The following SCN9A variants were observed in gnomAD, a reference collection of about 807,000 sequenced individuals.
SCN9A encodes sodium channel protein type 9 subunit alpha.
In SCN9A, 131 loss-of-function variants were observed where a neutral mutation model predicts 187.0. The observed-to-expected ratio is 0.70, with a 90% CI of 0.61 to 0.81. The LOEUF is 0.81. Among genes scored for constraint, SCN9A ranks in the 30% least tolerant of loss-of-function variants. The pLI, the probability that SCN9A is intolerant of heterozygous loss-of-function variation, is 0.00. For synonymous variants in SCN9A, 809 were observed against 808.6 expected, an observed-to-expected ratio of 1.00 and a Z score of -0.01; for missense variants, 2,252 against 2,396.6, an observed-to-expected ratio of 0.94 and a Z score of 1.26.
In SCN9A at chr2:166,272,782, T is replaced by C. The variant is rs1354458914; in HGVS notation, c.2968A>G (p.Ile990Val). ...EEDPDANNLQ[I>V]AVTRIKKGIN... is the part of the protein sequence containing the mutation. ...CCCTTTTTAATTCTAGTCACTGCAA[T>C]CTGGAGGTTGTTTGCATCAGGGTCT... is the stretch of plus-strand genomic sequence containing the variant. The change falls in exon 17 of 27, where the codon ATT becomes GTT. Residue 990 changes from isoleucine to valine, a missense_variant. Transcript: ENST00000642356. 2.0e-6 allele frequency: 3 copies of C among 1,528,782 alleles called. No individual in the cohort carries two copies. The highest frequency in any genetic ancestry group is 2.6e-6 in the Non-Finnish European group (3 of 1,142,510). 94.7% of individuals were successfully genotyped at this position (1,528,782 alleles called of 1,614,324 possible). A position where few individuals can be genotyped will look rare whatever the true frequency, so the allele number is the denominator to read the frequency against.
At chr2:166,349,053 A>T (rs1051529784) in intron 1 of SCN9A, among the ~76,000 whole-genome samples, 6 of 79,042 alleles carry the variant, frequency 7.6e-5, no homozygotes, top group South Asian at 3.3e-4. Context: ...GCTTGAACCC[A>T]GGAGCGGAGA....
intron 1 of SCN9A, among the ~76,000 whole-genome samples, chr2:166,313,738 T>C (rs952808914): frequency 6.6e-6 from 1 of 152,226 alleles, no homozygotes; most frequent in Non-Finnish European, 1.5e-5. Context: ...TTCAAGAATG[T>C]TTCCTTTGCA....
chr2:166,288,933 T>G (rs1697912855), intron 9 of SCN9A, among the ~76,000 whole-genome samples: 1 of 152,116 alleles, frequency 6.6e-6, no homozygotes, highest in Admixed American at 6.6e-5. Context: ...CTCATAAAAT[T>G]AAATCCTTTG....
rs747241543 is a variant in SCN9A at position 166,294,609 on chromosome 2, T to G, written c.955A>C (p.Thr319Pro). Residue 319 changes from threonine (T) to proline (P), a missense_variant, in exon 8 of 27, where the codon ACA becomes CCA. Thr to Pro is a conservative substitution (Grantham distance 38). Transcript: ENST00000642356. ...ACAAATATTACATACCCTGAATCTG[T>G]GCTGAAACCACAAAGGAGAGCATCT... is the stretch of plus-strand genomic sequence containing the variant. The part of the protein sequence containing the change: ...SKDALLCGFS[T>P]DSGQCPEGYT... The G allele has an allele frequency of 2.5e-6, 4 of 1,610,526 alleles. No individual in the cohort carries two copies. The African/African-American group carries it at 5.3e-5, about 22-fold the overall frequency.
Position 166,351,524 on chromosome 2 carries a change from T to A in SCN9A, c.-51+24173A>T, listed in dbSNP as rs183640056. 2.1e-3 allele frequency among the ~76,000 whole-genome samples: 313 copies of A among 152,330 alleles called. 2 individuals are homozygous for A. Among genetic ancestry groups the A allele is most frequent in the African/African-American group, 4.7e-3 (195 of 41,580 alleles). ...ATGGATGTGATTTCTAAAGTCACAG[T>A]TAGCCATTAGGAAAGCTCTTGCTCT... is the stretch of plus-strand genomic sequence containing the variant. On this transcript the variant is annotated intron_variant, in intron 1 of 26. Transcript: ENST00000642356.
At chr2:166,237,090 T>C (rs1180478166) in intron 20 of SCN9A, among the ~76,000 whole-genome samples, 4 of 151,994 alleles carry the variant, frequency 2.6e-5, no homozygotes, top group Non-Finnish European at 4.4e-5. Context: ...ATAAAGAACA[T>C]ATCATTCTGA....
chr2:166,304,620 A>C (rs1366628187), intron 5 of SCN9A, among the ~76,000 whole-genome samples: 3 of 152,082 alleles, frequency 2.0e-5, no homozygotes, highest in Admixed American at 6.6e-5. Context: ...TAGACTTTTA[A>C]TTTTTTATAA....
At chr2:166,328,244 T>C (rs1699412149) in intron 1 of SCN9A, among the ~76,000 whole-genome samples, 1 of 151,374 alleles carries the variant, frequency 6.6e-6, no homozygotes, top group Non-Finnish European at 1.5e-5. Context: ...ATTTTTAGGA[T>C]ATATGCATTT....
intron 6 of SCN9A, among the ~76,000 whole-genome samples, chr2:166,303,797 A>T (rs1423105724): frequency 6.6e-6 from 1 of 152,180 alleles, no homozygotes; most frequent in Non-Finnish European, 1.5e-5. Context: ...TGTATAAGCA[A>T]ATGGAAAAAC....
rs1424903093 is a variant in SCN9A, at chr2:166,361,465, T to A, written c.-51+14232A>T. On this transcript the variant is annotated intron_variant, in intron 1 of 26. Transcript: ENST00000642356. ...CAATATATGCCACACACAGCCATTT[T>A]AGTCCTGCCAATACAAAGTTCATTA... Among the ~76,000 whole-genome samples the A allele has an allele frequency of 3.3e-5, 5 of 152,264 alleles. No homozygotes were observed. In the East Asian group the frequency reaches 9.7e-4, roughly 29 times the overall value.
intron 10 of SCN9A, 51 bp downstream of exon 10, chr2:166,288,386 A>G (rs1244837679): frequency 4.8e-6 from 7 of 1,460,140 alleles, no homozygotes; most frequent in South Asian, 1.2e-5. Flanking sequence ...CCTCTGTTGT[A>G]ACCGTTTGCA....
intron 17 of SCN9A, among the ~76,000 whole-genome samples, chr2:166,255,118 GGAGAGA>G (rs35669204): frequency 0.032 from 4,664 of 147,624 alleles, 482 homozygotes; most frequent in Admixed American, 0.21. Context: ...AAGAGAGAGA[GGAGAGA>G]GAGAGAGAGA....
intron 1 of SCN9A, among the ~76,000 whole-genome samples, chr2:166,316,588 G>C (rs1290343419): frequency 2.0e-5 from 3 of 152,168 alleles, no homozygotes; most frequent in African/African-American, 7.2e-5. Flanking sequence ...CCAGCTGCTC[G>C]GGAGGCTGAG....
rs1365589337 is a variant in SCN9A, at chr2:166,195,859, G to A, written c.*2813C>T. Reference sequence around the variant, plus strand: ...AAGCCAGGAGTTTGAGACTAGCCTGGGCAACATAGCAAGACCCCTTATCTA... The same window carrying A: ...AAGCCAGGAGTTTGAGACTAGCCTGAGCAACATAGCAAGACCCCTTATCTA... On this transcript the variant is annotated 3_prime_UTR_variant, in exon 27 of 27. Coordinates refer to ENST00000642356, the MANE Select transcript of SCN9A (RefSeq NM_001365536.1). 1 of 152,110 alleles carries A rather than the reference G, an allele frequency of 6.6e-6. No individual in the cohort carries two copies. The highest frequency in any genetic ancestry group is 1.5e-5 in the Non-Finnish European group (1 of 68,084). 9.4% of individuals were successfully genotyped at this position (152,110 alleles called of 1,614,324 possible).
At chr2:166,285,437 G>A (rs1645127745) in intron 11 of SCN9A, among the ~76,000 whole-genome samples, 1 of 152,182 alleles carries the variant, frequency 6.6e-6, no homozygotes, top group Non-Finnish European at 1.5e-5. Context: ...AGACATTAGT[G>A]CTTACTATGT....
At chr2:166,243,869 T>A (rs112965451) in intron 18 of SCN9A, among the ~76,000 whole-genome samples, 2 of 151,550 alleles carry the variant, frequency 1.3e-5, no homozygotes, top group Non-Finnish European at 2.9e-5. Context: ...TAGAGAGGAG[T>A]AGGGGTGAAG....
intron 1 of SCN9A, among the ~76,000 whole-genome samples, chr2:166,336,249 G>A (rs1017412094): frequency 6.6e-6 from 1 of 152,046 alleles, no homozygotes; most frequent in Non-Finnish European, 1.5e-5. Context: ...GCATTTAAGC[G>A]ATTTAATCAC....
At position 166,356,110 on chromosome 2, in the gene SCN9A, A is replaced by G. The variant is rs1410476129; in HGVS notation, c.-51+19587T>C. Among the ~76,000 whole-genome samples the G allele has an allele frequency of 2.6e-5, 4 of 152,174 alleles. No individual in the cohort carries two copies. In the South Asian group the frequency reaches 8.3e-4, roughly 32 times the overall value. On this transcript the variant is annotated intron_variant, in intron 1 of 26. Coordinates refer to ENST00000642356, the MANE Select transcript of SCN9A (RefSeq NM_001365536.1). ...CACACAGTCCCTGGAGTCTTGTCTG[A>G]GGCTGGGTGAGGCTGCTTCTTTACC...
intron 24 of SCN9A, among the ~76,000 whole-genome samples, chr2:166,214,232 C>G (rs1694220638): frequency 6.6e-6 from 1 of 152,016 alleles, no homozygotes; most frequent in Non-Finnish European, 1.5e-5. Context: ...GGAGTTTTCT[C>G]TCAAGTACAA....
Sources: allele counts gnomAD v4.1 joint callset (sites outside exome capture counted in the v4.1 genomes callset), GRCh38; gene constraint gnomAD v4.1.1; transcripts MANE v1.5; gene names NCBI Gene and HGNC (gene_info 2026-07-23, HGNC 2026-07-21).